MED13L: variants seen among roughly 807,000 people sequenced by gnomAD.
MED13L encodes the protein mediator of RNA polymerase II transcription subunit 13-like.
MED13L carries 7 observed loss-of-function variants against 220.9 expected under a neutral mutation model. The observed-to-expected ratio is 0.03, with a 90% CI of 0.02 to 0.06. The LOEUF (loss-of-function observed/expected upper bound fraction) is 0.06. Ranked by LOEUF, MED13L falls within the 10% of genes least tolerant of loss-of-function variation. The pLI is 1.00. For missense variants in MED13L, 1,965 were observed against 2,760.5 expected (o/e 0.71, Z 6.46); for synonymous variants, 1,011 against 1,015.2 (o/e 1.00, Z 0.08).
chr12:116,227,640 C>T (rs1032440086), intron 2 of MED13L, among the ~76,000 whole-genome samples: 3 of 152,122 alleles, frequency 2.0e-5, no homozygotes, highest in Non-Finnish European at 4.4e-5. Flanking sequence ...CAGACTGAAC[C>T]AATTGATCAC....
intron 3 of MED13L, among the ~76,000 whole-genome samples, chr12:116,108,279 T>C (rs1213587966): frequency 6.6e-6 from 1 of 151,836 alleles, no homozygotes; most frequent in African/African-American, 2.4e-5. Flanking sequence ...CTACAACAAA[T>C]GGTTGTACAG....
intron 3 of MED13L, among the ~76,000 whole-genome samples, chr12:116,099,360 G>T (rs1872875420): frequency 6.6e-6 from 1 of 152,100 alleles, no homozygotes; most frequent in African/African-American, 2.4e-5. Flanking sequence ...TTACATTGAA[G>T]GTATATCTTA....
intron 4 of MED13L, among the ~76,000 whole-genome samples, chr12:116,052,936 T>G (rs894561826): frequency 6.6e-6 from 1 of 152,184 alleles, no homozygotes; most frequent in African/African-American, 2.4e-5. Context: ...GGGCAACATA[T>G]TAATAGTAAG....
At chr12:116,055,027 G>C (rs1462142370) in intron 4 of MED13L, among the ~76,000 whole-genome samples, 1 of 152,124 alleles carries the variant, frequency 6.6e-6, no homozygotes, top group Non-Finnish European at 1.5e-5. Context: ...AAGACAAATG[G>C]ATTTCAGAAA....
At chr12:116,108,623 C>A (rs1051374737) in intron 3 of MED13L, among the ~76,000 whole-genome samples, 1 of 152,054 alleles carries the variant, frequency 6.6e-6, no homozygotes, top group South Asian at 2.1e-4. Context: ...TAAAGAACAA[C>A]AGGATTAGTA....
intron 4 of MED13L, among the ~76,000 whole-genome samples, chr12:116,091,509 G>A (rs535304652): frequency 1.1e-4 from 16 of 152,276 alleles, no homozygotes; most frequent in Admixed American, 4.6e-4. Flanking sequence ...CCTGGTACAC[G>A]AAAGATACTT....
chr12:116,177,582 AC>A (rs1258854722), intron 2 of MED13L, among the ~76,000 whole-genome samples: 2 of 152,202 alleles, frequency 1.3e-5, no homozygotes, highest in African/African-American at 4.8e-5. Context: ...TATTTATATA[AC>A]TTTAAAATTA....
At chr12:116,033,063 T>A (rs1177497118) in intron 4 of MED13L, among the ~76,000 whole-genome samples, 1 of 151,224 alleles carries the variant, frequency 6.6e-6, no homozygotes, top group African/African-American at 2.4e-5. Context: ...GACTGTGGTG[T>A]ATGAGTTTGA....
intron 26 of MED13L, among the ~76,000 whole-genome samples, chr12:115,971,479 T>C (rs1386664613): frequency 1.3e-5 from 2 of 152,194 alleles, no homozygotes; most frequent in Admixed American, 1.3e-4. Flanking sequence ...AAAGATAGGT[T>C]ATAAAAATAT....
chr12:115,972,749 G>A (rs762077382), intron 25 of MED13L, among the ~76,000 whole-genome samples: 11 of 152,170 alleles, frequency 7.2e-5, no homozygotes, highest in African/African-American at 1.2e-4. Context: ...AGCTCACAAC[G>A]AGTGTGAGTG....
intron 2 of MED13L, among the ~76,000 whole-genome samples, chr12:116,143,917 T>A (rs1304910522): frequency 6.6e-6 from 1 of 152,210 alleles, no homozygotes; most frequent in Non-Finnish European, 1.5e-5. Context: ...AGGTTATGGA[T>A]TGGCTAAAAG....
chr12:116,210,677 A>G (rs891018192), intron 2 of MED13L, among the ~76,000 whole-genome samples: 1 of 150,952 alleles, frequency 6.6e-6, no homozygotes, highest in Non-Finnish European at 1.5e-5. Flanking sequence ...TTAATCCTAC[A>G]AATATACTAC....
chr12:116,225,933 A>G (rs1344331228), intron 2 of MED13L, among the ~76,000 whole-genome samples: 2 of 152,216 alleles, frequency 1.3e-5, no homozygotes, highest in Non-Finnish European at 1.5e-5. Context: ...TATTTTGCAT[A>G]TGACATTATA....
At chr12:116,060,340 G>A (rs1029481037) in intron 4 of MED13L, among the ~76,000 whole-genome samples, 6 of 152,136 alleles carry the variant, frequency 3.9e-5, no homozygotes, top group Admixed American at 1.3e-4. Flanking sequence ...CACTTTGGGA[G>A]GCTGAGGCAG....
intron 2 of MED13L, among the ~76,000 whole-genome samples, chr12:116,122,707 G>A (rs1875203923): frequency 6.6e-6 from 1 of 152,120 alleles, no homozygotes; most frequent in South Asian, 2.1e-4. Flanking sequence ...TTTTAACAGT[G>A]TACTATCTTC....
At chr12:116,005,786 A>G (rs1253644510) in intron 13 of MED13L, 83 bp downstream of exon 13, 3 of 1,564,354 alleles carry the variant, frequency 1.9e-6, no homozygotes, top group South Asian at 1.1e-5. Flanking sequence ...TCAGGACACC[A>G]AACTATAAAG....
intron 16 of MED13L, among the ~76,000 whole-genome samples, chr12:115,994,634 T>G (rs1878281243): frequency 6.6e-6 from 1 of 152,174 alleles, no homozygotes; most frequent in African/African-American, 2.4e-5. Flanking sequence ...TGTGACCTTT[T>G]TGGGGAAACC....
intron 1 of MED13L, among the ~76,000 whole-genome samples, chr12:116,239,684 T>C (rs964871775): frequency 6.6e-6 from 1 of 152,214 alleles, no homozygotes; most frequent in East Asian, 1.9e-4. Context: ...TTTAAAGAGA[T>C]TGCTTGATAC....
intron 2 of MED13L, among the ~76,000 whole-genome samples, chr12:116,159,620 A>G (rs1878709364): frequency 2.0e-5 from 3 of 152,192 alleles, no homozygotes; most frequent in African/African-American, 7.2e-5. Flanking sequence ...AAAAGCACTC[A>G]AGTATCACTA....
Sources: allele counts gnomAD v4.1 joint callset (sites outside exome capture counted in the v4.1 genomes callset), GRCh38; gene constraint gnomAD v4.1.1; transcripts MANE v1.5; gene names NCBI Gene and HGNC (gene_info 2026-07-23, HGNC 2026-07-21).